Variants in NRXN1 observed in about 807,000 individuals in gnomAD.
NRXN1 encodes the protein neurexin-1.
In NRXN1, 39 loss-of-function variants were observed where a neutral mutation model predicts 150.9. The observed-to-expected ratio is 0.26, with a 90% CI of 0.20 to 0.34. NRXN1 has a LOEUF of 0.34. Among genes scored for constraint, NRXN1 ranks in the 10% least tolerant of loss-of-function variants. NRXN1 has a pLI of 1.00. For synonymous variants in NRXN1, 924 were observed against 757.0 expected (o/e 1.22, Z -3.62); for missense variants, 1,815 against 1,949.9 (o/e 0.93, Z 1.30).
At chr2:50,400,776 G>A (rs1329199352) in intron 17 of NRXN1, among the ~76,000 whole-genome samples, 1 of 152,166 alleles carries the variant, frequency 6.6e-6, no homozygotes, top group African/African-American at 2.4e-5. Flanking sequence ...AAAGAGGAAT[G>A]TTTTGCATTC....
At chr2:50,581,036 G>A (rs1672187940) in intron 8 of NRXN1, among the ~76,000 whole-genome samples, 1 of 152,062 alleles carries the variant, frequency 6.6e-6, no homozygotes, top group Non-Finnish European at 1.5e-5. Context: ...AATATACTAT[G>A]CTGAGACAAA....
chr2:50,427,676 C>G (rs541245460), intron 17 of NRXN1, among the ~76,000 whole-genome samples: 3 of 152,320 alleles, frequency 2.0e-5, no homozygotes, highest in African/African-American at 7.2e-5. Flanking sequence ...ATAAAAATAT[C>G]TAACCTAAAT....
At chr2:50,550,929 C>T (rs1327987341) in intron 9 of NRXN1, among the ~76,000 whole-genome samples, 1 of 151,854 alleles carries the variant, frequency 6.6e-6, no homozygotes, top group Non-Finnish European at 1.5e-5. Context: ...GATCTGCCTG[C>T]CTTGGCCTCC....
intron 21 of NRXN1, among the ~76,000 whole-genome samples, chr2:49,957,060 A>G (rs759015929): frequency 5.3e-5 from 8 of 152,086 alleles, no homozygotes; most frequent in Non-Finnish European, 1.2e-4. Context: ...GTGAAATTGA[A>G]CTTCAATGTG....
chr2:50,225,526 A>G (rs1347735247), intron 18 of NRXN1, among the ~76,000 whole-genome samples: 1 of 152,038 alleles, frequency 6.6e-6, no homozygotes, highest in Non-Finnish European at 1.5e-5. Flanking sequence ...GATTGTACCA[A>G]GAAGGGCATA....
At chr2:50,167,079 T>A (rs1482538513) in intron 18 of NRXN1, among the ~76,000 whole-genome samples, 2 of 152,118 alleles carry the variant, frequency 1.3e-5, no homozygotes, top group African/African-American at 4.8e-5. Flanking sequence ...TTTGTAAAAA[T>A]GGGCAGTTTG....
chr2:49,930,983 T>C (rs1670030413), intron 22 of NRXN1, among the ~76,000 whole-genome samples: 1 of 152,042 alleles, frequency 6.6e-6, no homozygotes, highest in African/African-American at 2.4e-5. Flanking sequence ...TTAAAACAAA[T>C]ATTAGTTGGG....
chr2:50,094,233 A>C (rs1699934220), intron 18 of NRXN1, among the ~76,000 whole-genome samples: 1 of 152,248 alleles, frequency 6.6e-6, no homozygotes, highest in Admixed American at 6.5e-5. Flanking sequence ...AAAATGAAGC[A>C]TAAAGTTACT....
At chr2:50,925,898 G>T in intron 3 of NRXN1, 40 bp downstream of exon 3, 1 of 1,513,674 alleles carries the variant, frequency 6.6e-7, no homozygotes, top group South Asian at 1.2e-5. Context: ...AGAAATAAAG[G>T]ACAAATGAGA....
chr2:50,387,530 A>T (rs1397570446), intron 17 of NRXN1, among the ~76,000 whole-genome samples: 1 of 152,044 alleles, frequency 6.6e-6, no homozygotes, highest in Non-Finnish European at 1.5e-5. Context: ...AAAATATATA[A>T]CTGTTTTAAC....
chr2:50,373,747 T>C (rs80173037), intron 17 of NRXN1, among the ~76,000 whole-genome samples: 4,580 of 150,720 alleles, frequency 0.03, 192 homozygotes, highest in East Asian at 0.12. Context: ...ACATATTCTG[T>C]ATTGTTTTCT....
At chr2:50,448,326 A>T (rs1044928083) in intron 17 of NRXN1, among the ~76,000 whole-genome samples, 5 of 152,158 alleles carry the variant, frequency 3.3e-5, no homozygotes, top group African/African-American at 9.7e-5. Context: ...TTCTCCCTCC[A>T]ATTAAAGAAT....
chr2:50,254,606 T>C (rs1206008688), intron 17 of NRXN1, among the ~76,000 whole-genome samples: 1 of 152,230 alleles, frequency 6.6e-6, no homozygotes, highest in East Asian at 1.9e-4. Flanking sequence ...AAGATTCTGG[T>C]ACATTGTCTC....
chr2:49,983,265 G>A (rs1680286965), intron 21 of NRXN1, among the ~76,000 whole-genome samples: 1 of 152,050 alleles, frequency 6.6e-6, no homozygotes, highest in African/African-American at 2.4e-5. Flanking sequence ...CTTCATCTTT[G>A]GAACATCAGC....
intron 5 of NRXN1, among the ~76,000 whole-genome samples, chr2:50,724,623 A>G (rs558664923): frequency 4.8e-4 from 73 of 152,292 alleles, no homozygotes; most frequent in African/African-American, 1.6e-3. Flanking sequence ...CTAGCTAAAT[A>G]TTACATTTTT....
At chr2:50,122,388 T>C (rs1703979797) in intron 18 of NRXN1, among the ~76,000 whole-genome samples, 1 of 152,214 alleles carries the variant, frequency 6.6e-6, no homozygotes, top group South Asian at 2.1e-4. Context: ...AGGTCCAAAG[T>C]AATGCTTAAC....
intron 17 of NRXN1, among the ~76,000 whole-genome samples, chr2:50,239,179 T>C (rs541484460): frequency 3.4e-4 from 51 of 151,938 alleles, no homozygotes; most frequent in Non-Finnish European, 6.2e-4. Flanking sequence ...AGTATTAACT[T>C]TTCTAGTGAA....
intron 5 of NRXN1, chr2:50,919,947 G>A: frequency 3.0e-6 from 1 of 337,302 alleles, no homozygotes; most frequent in African/African-American, 2.2e-5. Context: ...ACACTCTGTG[G>A]ATGCCATGTC....
At chr2:50,563,978 A>T (rs538990435) in intron 8 of NRXN1, among the ~76,000 whole-genome samples, 63 of 152,336 alleles carry the variant, frequency 4.1e-4, no homozygotes, top group Non-Finnish European at 7.8e-4. Flanking sequence ...AACTGCAATG[A>T]GAACATTTTT....
Sources: gnomAD v4.1 joint callset for allele counts (sites outside exome capture counted in the v4.1 genomes callset) on GRCh38, gnomAD v4.1.1 for gene constraint, MANE v1.5 for transcripts, NCBI Gene and HGNC (gene_info 2026-07-23, HGNC 2026-07-21) for gene names.